Variants in HID1 observed in about 807,000 individuals in gnomAD.
HID1 encodes the protein HID1 domain containing, also known as protein HID1.
In HID1, 42 loss-of-function variants were observed where a neutral mutation model predicts 89.7. The ratio of observed to expected loss-of-function variants is 0.47; its 90% CI spans 0.37 to 0.61. The LOEUF (loss-of-function observed/expected upper bound fraction) is 0.61, where lower values mean the gene tolerates loss of function less well. Among genes scored for constraint, HID1 ranks in the 20% least tolerant of loss-of-function variants. The pLI is 0.00. For synonymous variants in HID1, 442 were observed against 433.8 expected (o/e 1.02, Z -0.24); for missense variants, 854 against 1,039.3 (o/e 0.82, Z 2.45).
rs1244577638 is a variant in HID1, at chr17:74,964,484, T to G, written c.215A>C (p.Lys72Thr). Residue 72 changes from lysine (K) to threonine (T), a missense_variant and splice_region_variant, in exon 2 of 19, where the codon AAG becomes ACG. Transcript: ENST00000425042. ...SPSNLATLCY[K>T]AVEKLVQGAE... The stretch of plus-strand genomic sequence containing the variant: ...CAGGAGGGACTGGGCAGCCCTCACC[T>G]TGTAGCACAGGGTGGCCAAGTTGGA... 1 of 1,609,240 alleles carries G rather than the reference T, an allele frequency of 6.2e-7. No individual in the cohort carries two copies. Among genetic ancestry groups the G allele is most frequent in the South Asian group, 1.1e-5 (1 of 89,800 alleles).
chr17:74,972,517 G>T lies in HID1; in HGVS notation c.66+74C>A. ...GTCCCCCCATCTCCCGACGAGCCAA[G>T]TTCGCGTACCCCCGGCCCTGCCCAG... On this transcript the variant is annotated intron_variant, in intron 1 of 18. Coordinates refer to ENST00000425042, the MANE Select transcript of HID1 (RefSeq NM_030630.3). This position sits in a 1 kb window ranked among gnomAD's most constrained non-coding sequence, Gnocchi z 6.4. The T allele has an allele frequency of 7.2e-7, 1 of 1,396,756 alleles. No homozygotes were observed. The highest frequency in any genetic ancestry group is 9.8e-7 in the Non-Finnish European group (1 of 1,024,980). 86.5% of individuals were successfully genotyped at this position (1,396,756 alleles called of 1,614,324 possible). A position where few individuals can be genotyped will look rare whatever the true frequency, so the allele number is the denominator to read the frequency against.
intron 18 of HID1, 59 bp from the exon 19 acceptor site, chr17:74,951,692 G>A: frequency 6.5e-7 from 1 of 1,541,412 alleles, no homozygotes; most frequent in Non-Finnish European, 8.9e-7. Context: ...AAGGCACCAG[G>A]AGGAGCTGGG....
intron 12 of HID1, chr17:74,957,891 T>G: frequency 2.1e-6 from 1 of 485,306 alleles, no homozygotes; most frequent in East Asian, 3.7e-5. Flanking sequence ...CAAGACTGAG[T>G]GTGAGAAGGG....
intron 1 of HID1, among the ~76,000 whole-genome samples, chr17:74,971,597 G>T (rs957828909): frequency 1.3e-5 from 2 of 152,058 alleles, no homozygotes; most frequent in Admixed American, 6.6e-5. Flanking sequence ...AGCAGGAGGT[G>T]GGGGGGCCAG....
At position 74,953,073 on chromosome 17, in the gene HID1, G is replaced by A; in HGVS notation, c.1985C>T (p.Ala662Val). 6.2e-7 allele frequency: 1 copy of A among 1,606,130 alleles called. No individual in the cohort carries two copies. Among genetic ancestry groups the A allele is most frequent in the East Asian group, 2.2e-5 (1 of 44,530 alleles). The change falls in exon 16 of 19, where the codon GCA becomes GTA. Residue 662 changes from alanine (A) to valine (V), a missense_variant. Ala to Val is a moderately conservative substitution (Grantham distance 64). Coordinates refer to ENST00000425042, the MANE Select transcript of HID1 (RefSeq NM_030630.3). Reference protein sequence around the residue: ...GSPAKGEPSQAWREQRRPSTS... With the variant: ...GSPAKGEPSQVWREQRRPSTS... ...GGACGGTCGCCGCTGCTCCCTCCATGCCTGGCTGGGCTCCTGGCCCCCAGA... is the reference window on the plus strand; with the variant it reads ...GGACGGTCGCCGCTGCTCCCTCCATACCTGGCTGGGCTCCTGGCCCCCAGA...
Position 74,972,704 on chromosome 17 carries a change from G to T in HID1, c.-48C>A, listed in dbSNP as rs1358182592. The stretch of plus-strand genomic sequence containing the variant: ...CGGCCCCCGCCCAGACTCCAACCCG[G>T]CTCCGGCTTCAGCTCCGGCTCCAGC... On this transcript the variant is annotated 5_prime_UTR_variant, in exon 1 of 19. Transcript: ENST00000425042. This position sits in a 1 kb window ranked among gnomAD's most constrained non-coding sequence, Gnocchi z 6.4. The T allele has an allele frequency of 3.4e-6, 5 of 1,480,734 alleles. No individual in the cohort carries two copies. Among genetic ancestry groups the T allele is most frequent in the Non-Finnish European group, 4.5e-6 (5 of 1,106,652 alleles). 91.7% of individuals were successfully genotyped at this position (1,480,734 alleles called of 1,614,324 possible).
chr17:74,954,027 T>A, intron 14 of HID1, 111 bp downstream of exon 14: 1 of 1,078,070 alleles, frequency 9.3e-7, no homozygotes, highest in South Asian at 1.3e-5. Context: ...CCCCTCGGCT[T>A]CCATACATAA....
intron 14 of HID1, 96 bp from the exon 15 acceptor site, chr17:74,953,747 T>A: frequency 1.1e-6 from 1 of 949,364 alleles, no homozygotes; most frequent in Non-Finnish European, 1.6e-6. Context: ...GTTTTACTCC[T>A]GCTTCCCTCT....
chr17:74,971,089 G>T (rs7225212), intron 1 of HID1, among the ~76,000 whole-genome samples: 6,336 of 152,294 alleles, frequency 0.042, 212 homozygotes, highest in Middle Eastern at 0.1. Flanking sequence ...GGCCTGAGCA[G>T]GTAGGAATCT....
Position 74,954,195 on chromosome 17 carries a change from G to T in HID1, c.1807C>A (p.Arg603Ser), listed in dbSNP as rs776930389. The change falls in exon 14 of 19, where the codon CGC (arginine) becomes AGC (serine). Residue 603 changes from arginine to serine, a missense_variant. By Grantham distance (110) the Arg-to-Ser change is moderately radical (BLOSUM62 -1). Transcript: ENST00000425042. ...SQEGTSMEGS[R>S]PAAPAEPGTL... ...CCTGGCTCTGCAGGGGCAGCGGGGC[G>T]GGAGCCCTCCATGGAGGTGCCCTCC... 6.2e-7 allele frequency: 1 copy of T among 1,602,786 alleles called. No individual in the cohort carries two copies. Among genetic ancestry groups the T allele is most frequent in the East Asian group, 2.2e-5 (1 of 44,446 alleles).
Position 74,963,772 on chromosome 17 carries a change from A to C in HID1, c.355T>G (p.Trp119Gly), listed in dbSNP as rs1207482312. ...FEDPDWRGFF[W>G]STVPGAGRGG... is the part of the protein sequence containing the mutation. ...CGCCCTGCCCCGGGCACTGTGGACC[A>C]GAAGAAGCCCCTCCAGTCGGGGTCC... The change falls in exon 3 of 19, where the codon TGG becomes GGG. Residue 119 changes from tryptophan (W) to glycine (G), a missense_variant. By Grantham distance (184) the Trp-to-Gly change is radical. Coordinates refer to ENST00000425042, the MANE Select transcript of HID1 (RefSeq NM_030630.3). 1 of 1,613,342 alleles carries C rather than the reference A, an allele frequency of 6.2e-7. No individual in the cohort carries two copies. Among genetic ancestry groups the C allele is most frequent in the Non-Finnish European group, 8.5e-7 (1 of 1,179,758 alleles).
chr17:74,969,328 G>A (rs2039609963), intron 1 of HID1, among the ~76,000 whole-genome samples: 1 of 152,052 alleles, frequency 6.6e-6, no homozygotes, highest in South Asian at 2.1e-4. Context: ...CGGGATTACA[G>A]GCGCCTGCCA....
Position 74,958,369 on chromosome 17 carries a change from G to T in HID1, c.1350C>A (p.Asp450Glu), listed in dbSNP as rs1000632025. The change falls in exon 11 of 19, where the codon GAC (aspartate) becomes GAA (glutamate). Residue 450 changes from aspartate (D) to glutamate (E), a missense_variant. Asp to Glu is a conservative substitution (Grantham distance 45, BLOSUM62 2). Coordinates refer to ENST00000425042, the MANE Select transcript of HID1 (RefSeq NM_030630.3). The surrounding 1 kb of genome is among the most constrained non-coding windows in gnomAD (Gnocchi z 5.2). ...CGTGGGTCCCTGTGAAGACTGGGAT[G>T]TCCATGGGCACGCGGATTGAGTAGG... Reference protein sequence around the residue: ...NKPYSIRVPMDIPVFTGTHAD... With the variant: ...NKPYSIRVPMEIPVFTGTHAD... 234 of 1,613,078 alleles carry T rather than the reference G, an allele frequency of 1.5e-4. No homozygotes were observed. The highest frequency in any genetic ancestry group is 1.9e-4 in the Non-Finnish European group (230 of 1,179,686).
Position 74,960,244 on chromosome 17 carries a change from C to T in HID1, c.733G>A (p.Ala245Thr). Residue 245 changes from alanine to threonine, a missense_variant, in exon 7 of 19, where the codon GCC becomes ACC. Transcript: ENST00000425042. ...QFFCSTENRHALPLFTSLLNT... is the reference protein window; with the variant it reads ...QFFCSTENRHTLPLFTSLLNT... ...AGGAGGGAGGTGAAGAGGGGCAGGGCATGTCTGCAGCAGGAGAGGGACAAG... is the reference window on the plus strand; with the variant it reads ...AGGAGGGAGGTGAAGAGGGGCAGGGTATGTCTGCAGCAGGAGAGGGACAAG... The T allele has an allele frequency of 6.2e-7, 1 of 1,607,878 alleles. No individual in the cohort carries two copies. The highest frequency in any genetic ancestry group is 8.5e-7 in the Non-Finnish European group (1 of 1,179,342).
chr17:74,969,342 C>G (rs1052699831), intron 1 of HID1, among the ~76,000 whole-genome samples: 3 of 151,970 alleles, frequency 2.0e-5, no homozygotes, highest in Non-Finnish European at 4.4e-5. Context: ...CCTGCCACGA[C>G]GCCCGGCTAA....
rs1458460660 is a variant in HID1, at chr17:74,972,293, A to G, written c.66+298T>C. Among the ~76,000 whole-genome samples, 2 of 150,444 alleles carry G rather than the reference A, an allele frequency of 1.3e-5. No individual in the cohort carries two copies. Among genetic ancestry groups the G allele is most frequent in the African/African-American group, 4.9e-5 (2 of 40,700 alleles). On this transcript the variant is annotated intron_variant, in intron 1 of 18. Transcript: ENST00000425042. The surrounding 1 kb of genome is among the most constrained non-coding windows in gnomAD (Gnocchi z 6.4). ...AGCTGGGGACGCCGCGGGGCGGGAC[A>G]GGGGGCGGACAGCTGTGTCGCCGGC...
rs375046037 is a variant in HID1, at chr17:74,958,115, G to A, written c.1471+26C>T. On this transcript the variant is annotated intron_variant, in intron 12 of 18. Coordinates refer to ENST00000425042, the MANE Select transcript of HID1 (RefSeq NM_030630.3). This position sits in a 1 kb window ranked among gnomAD's most constrained non-coding sequence, Gnocchi z 5.2. ...CCTGACACCACCTGGTGGTGAGCGC[G>A]GGGAGTGCAAGCTCCGGGCCCCTAC... 525 of 1,579,446 alleles carry A rather than the reference G, an allele frequency of 3.3e-4. 1 individual carries two copies. The Middle Eastern group carries it at 6.6e-3, about 20-fold the overall frequency.
chr17:74,954,445 G>C, intron 13 of HID1, 80 bp from the exon 14 acceptor site: 1 of 1,541,060 alleles, frequency 6.5e-7, no homozygotes, highest in Admixed American at 2.0e-5. Context: ...TTCCTGGAAG[G>C]GGGAGTTTGG....
Position 74,958,053 on chromosome 17 carries a change from GCTTGAAAC to G in HID1, c.1471+80_1471+87del. ...TGCGTTCTTTCTGTGGGCTGGAGGG[GCTTGAAAC>G]CTGGAGCAAGTGGCAGGTTGGCCTG... On this transcript the variant is annotated intron_variant, in intron 12 of 18. Transcript: ENST00000425042. This position sits in a 1 kb window ranked among gnomAD's most constrained non-coding sequence, Gnocchi z 5.2. 8.2e-7 allele frequency: 1 copy of G among 1,220,728 alleles called. No homozygotes were observed. The highest frequency in any genetic ancestry group is 1.2e-6 in the Non-Finnish European group (1 of 856,096). The allele number at this position is 1,220,728 out of a possible 1,614,324, so 75.6% of individuals were successfully genotyped here. A position where few individuals can be genotyped will look rare whatever the true frequency, so the allele number is the denominator to read the frequency against.
Sources: gnomAD v4.1 joint callset for allele counts (sites outside exome capture counted in the v4.1 genomes callset) on GRCh38, gnomAD v4.1.1 for gene constraint, Gnocchi (gnomAD v3.1) non-coding constraint, MANE v1.5 for transcripts, NCBI Gene and HGNC (gene_info 2026-07-23, HGNC 2026-07-21) for gene names.